GSE1: variants seen among roughly 807,000 people sequenced by gnomAD.
The protein encoded by GSE1 is Gse1 coiled-coil protein.
Under a neutral mutation model 112.6 loss-of-function variants are expected in GSE1, and 32 were observed. The ratio of observed to expected loss-of-function variants is 0.28; its 90% CI spans 0.21 to 0.38. The LOEUF (loss-of-function observed/expected upper bound fraction) is 0.38. Ranked by LOEUF, GSE1 falls within the 10% of genes least tolerant of loss-of-function variation. GSE1 has a pLI of 1.00. For synonymous variants in GSE1, 1,115 were observed against 735.6 expected (o/e 1.52, Z -8.35); for missense variants, 2,348 against 1,699.2 (o/e 1.38, Z -6.71).
chr16:85,276,959 C>T (rs1009153782), intron 1 of GSE1, among the ~76,000 whole-genome samples: 136 of 152,284 alleles, frequency 8.9e-4, no homozygotes, highest in African/African-American at 3.1e-3. Flanking sequence ...ACCGTGCAGC[C>T]GGGCCAGGCC....
intron 1 of GSE1, among the ~76,000 whole-genome samples, chr16:85,317,833 C>T (rs1355717193): frequency 2.0e-5 from 3 of 152,190 alleles, no homozygotes; most frequent in Admixed American, 6.5e-5. Context: ...TTGCCTCGTC[C>T]GCTTCTGGGA....
chr16:85,623,102 T>C (rs894057506), intron 1 of GSE1, among the ~76,000 whole-genome samples: 3 of 152,262 alleles, frequency 2.0e-5, no homozygotes, highest in East Asian at 1.9e-4. Context: ...CTCGTTGACT[T>C]GAAGCCTCCT....
rs78354201 is a variant in GSE1, at chr16:85,315,857, C to A, written c.2284-41606C>A. Among the ~76,000 whole-genome samples, 938 of 152,296 alleles carry A rather than the reference C, an allele frequency of 6.2e-3. 14 individuals carry two copies. The highest frequency in any genetic ancestry group is 0.021 in the African/African-American group (892 of 41,554). ...GTGGGGATAAAGGCTTCGGAGCAAA[C>A]CCAGGTTGGGAAAGGACCAAGCAAG... On this transcript the variant is annotated intron_variant, in intron 1 of 2. Coordinates refer to the GSE1 transcript ENST00000637419.
At chr16:85,224,092 G>C (rs2075439567) in intron 1 of GSE1, among the ~76,000 whole-genome samples, 1 of 151,810 alleles carries the variant, frequency 6.6e-6, no homozygotes, top group African/African-American at 2.4e-5. Flanking sequence ...GGCGATTCTG[G>C]GGGCACGTGG....
intron 1 of GSE1, among the ~76,000 whole-genome samples, chr16:85,301,025 G>T (rs906118866): frequency 6.6e-6 from 1 of 152,160 alleles, no homozygotes; most frequent in Non-Finnish European, 1.5e-5. Flanking sequence ...TCCTCCAGGG[G>T]CCACCTTCCC....
chr16:85,663,877 G>A (rs988779557), intron 11 of GSE1, among the ~76,000 whole-genome samples: 5 of 152,254 alleles, frequency 3.3e-5, no homozygotes, highest in East Asian at 1.9e-4. Flanking sequence ...CCCAGCGCCC[G>A]AGAAGGCGCT....
chr16:85,635,029 G>A (rs987975439), intron 2 of GSE1, among the ~76,000 whole-genome samples: 1 of 152,168 alleles, frequency 6.6e-6, no homozygotes, highest in Non-Finnish European at 1.5e-5. Context: ...AGATCCGGGT[G>A]CCAGGGCCCT....
chr16:85,265,204 G>GGGTAAA (rs1195036264), intron 1 of GSE1, among the ~76,000 whole-genome samples: 1 of 152,196 alleles, frequency 6.6e-6, no homozygotes, highest in Admixed American at 6.5e-5. Context: ...GAGGGCCTGC[G>GGGTAAA]GGTAAAGGCC....
chr16:85,661,787 G>T, intron 9 of GSE1, 22 bp downstream of exon 9: 1 of 1,483,746 alleles, frequency 6.7e-7, no homozygotes. Context: ...CGCGGGCCCC[G>T]AGCTGCTCAG....
intron 1 of GSE1, among the ~76,000 whole-genome samples, chr16:85,326,153 C>G (rs989954637): frequency 6.6e-6 from 1 of 152,184 alleles, no homozygotes; most frequent in Non-Finnish European, 1.5e-5. Flanking sequence ...TCATACATCT[C>G]TGGAATCGGT....
At chr16:85,586,536 C>G (rs891340455) in intron 1 of GSE1, among the ~76,000 whole-genome samples, 2 of 152,218 alleles carry the variant, frequency 1.3e-5, no homozygotes, top group African/African-American at 4.8e-5. Context: ...TGGATCCAGT[C>G]CCTCCCGGGA....
chr16:85,658,974 C>T (rs916687039), intron 8 of GSE1, among the ~76,000 whole-genome samples: 3 of 152,250 alleles, frequency 2.0e-5, no homozygotes, highest in Non-Finnish European at 2.9e-5. Context: ...CACACGTGGC[C>T]TTACAGCATT....
intron 2 of GSE1, among the ~76,000 whole-genome samples, chr16:85,449,433 A>C (rs932344374): frequency 3.9e-5 from 6 of 152,254 alleles, no homozygotes; most frequent in African/African-American, 1.4e-4. Flanking sequence ...GGAAGATCAG[A>C]GCCCCGGCTC....
At chr16:85,490,511 G>A (rs1401230403) in intron 2 of GSE1, 1 of 152,328 alleles carries the variant, frequency 6.6e-6, no homozygotes, top group East Asian at 1.9e-4. Flanking sequence ...GATGATGTAG[G>A]AGGCTGTCAC....
chr16:85,369,561 C>A (rs1372687961), intron 2 of GSE1, among the ~76,000 whole-genome samples: 1 of 152,140 alleles, frequency 6.6e-6, no homozygotes, highest in African/African-American at 2.4e-5. Context: ...CTCCTGCCTC[C>A]CTTGCAAGGA....
intron 1 of GSE1, among the ~76,000 whole-genome samples, chr16:85,274,209 C>A (rs1308897477): frequency 6.6e-6 from 1 of 151,586 alleles, no homozygotes; most frequent in African/African-American, 2.4e-5. Context: ...CATGATGAAA[C>A]CCCATCTCTA....
At position 85,529,294 on chromosome 16, in the gene GSE1, G is replaced by A. The variant is rs28528954; in HGVS notation, c.2465-104620G>A. On this transcript the variant is annotated intron_variant, in intron 2 of 2. Coordinates refer to the GSE1 transcript ENST00000637419. ...GGTGGCTCCGTGGCAAGCGAGCAGC[G>A]GCCCAGGAGACAGGGGCAGAGTCTC... 9.9e-4 allele frequency among the ~76,000 whole-genome samples: 151 copies of A among 152,324 alleles called. 1 individual carries two copies. Among genetic ancestry groups the A allele is most frequent in the African/African-American group, 3.5e-3 (145 of 41,580 alleles).
intron 1 of GSE1, among the ~76,000 whole-genome samples, chr16:85,220,215 C>T (rs2075368283): frequency 6.6e-6 from 1 of 152,228 alleles, no homozygotes; most frequent in Admixed American, 6.5e-5. Context: ...TTCAAGAGCT[C>T]TTCCTGGTCC....
chr16:85,367,215 GA>G (rs1239119134), intron 2 of GSE1, among the ~76,000 whole-genome samples: 1 of 152,238 alleles, frequency 6.6e-6, no homozygotes, highest in Non-Finnish European at 1.5e-5. Flanking sequence ...TTCTAAGTGG[GA>G]GCAGACACCA....
Sources: gnomAD v4.1 joint callset for allele counts (sites outside exome capture counted in the v4.1 genomes callset) on GRCh38, gnomAD v4.1.1 for gene constraint, MANE v1.5 for transcripts, NCBI Gene and HGNC (gene_info 2026-07-23, HGNC 2026-07-21) for gene names.